NFIB: variants seen among roughly 807,000 people sequenced by gnomAD.
NFIB encodes nuclear factor I B, also known as nuclear factor 1 B-type.
In NFIB, 11 loss-of-function variants were observed where a neutral mutation model predicts 61.5. That is an observed-to-expected ratio of 0.18 (90% CI 0.11 to 0.30). NFIB has a LOEUF of 0.30. Among genes scored for constraint, NFIB ranks in the 10% least tolerant of loss-of-function variants. The pLI is 1.00. For missense variants in NFIB, 471 were observed against 608.9 expected (o/e 0.77, Z 2.38); for synonymous variants, 260 against 216.5 (o/e 1.20, Z -1.76).
chr9:14,466,133 G>C, the NFIB span, among the ~76,000 whole-genome samples: 4 of 152,154 alleles, frequency 2.6e-5, no homozygotes, highest in Non-Finnish European at 4.4e-5. Context: ...TGTTCGGAGA[G>C]AGCCCGCATC....
intron 2 of NFIB, among the ~76,000 whole-genome samples, chr9:14,236,448 C>A (rs531133982): frequency 2.6e-5 from 4 of 152,250 alleles, no homozygotes; most frequent in South Asian, 4.1e-4. Flanking sequence ...ACCACAAATG[C>A]CCTAGAGTCC....
intron 9 of NFIB, among the ~76,000 whole-genome samples, chr9:14,115,819 T>A (rs926998595): frequency 6.6e-6 from 1 of 152,250 alleles, no homozygotes; most frequent in African/African-American, 2.4e-5. Flanking sequence ...TCTATAGGAA[T>A]GCTCCAATAA....
chr9:14,184,422 C>A (rs1395694658), intron 2 of NFIB, among the ~76,000 whole-genome samples: 1 of 152,048 alleles, frequency 6.6e-6, no homozygotes, highest in Non-Finnish European at 1.5e-5. Context: ...TTTTCTATAT[C>A]TAAGTTGGAA....
intron 2 of NFIB, among the ~76,000 whole-genome samples, chr9:14,302,736 C>A (rs10810129): frequency 1.3e-5 from 2 of 151,730 alleles, no homozygotes; most frequent in South Asian, 4.2e-4. Context: ...ATCCCACTCC[C>A]GCCCCCCGAC....
At chr9:14,121,513 T>C (rs2038937727) in intron 7 of NFIB, among the ~76,000 whole-genome samples, 1 of 152,244 alleles carries the variant, frequency 6.6e-6, no homozygotes, top group African/African-American at 2.4e-5. Context: ...TCATGTCATT[T>C]ATAATTGTCT....
chr9:14,218,575 C>T (rs2051231160), intron 2 of NFIB, among the ~76,000 whole-genome samples: 1 of 152,114 alleles, frequency 6.6e-6, no homozygotes, highest in South Asian at 2.1e-4. Flanking sequence ...TAGATGTCAC[C>T]CAATCAATGA....
intron 1 of NFIB, among the ~76,000 whole-genome samples, chr9:14,368,232 G>C (rs1169406251): frequency 6.6e-6 from 1 of 151,910 alleles, no homozygotes; most frequent in Non-Finnish European, 1.5e-5. Context: ...GCTTGAACTA[G>C]GCCAATGTTG....
At chr9:14,149,486 C>T (rs2042628597) in intron 5 of NFIB, among the ~76,000 whole-genome samples, 1 of 151,900 alleles carries the variant, frequency 6.6e-6, no homozygotes, top group Non-Finnish European at 1.5e-5. Flanking sequence ...AATCTTTATT[C>T]ACCCTGACTG....
At chr9:14,415,680 A>G in the NFIB span, among the ~76,000 whole-genome samples, 1 of 152,250 alleles carries the variant, frequency 6.6e-6, no homozygotes, top group African/African-American at 2.4e-5. Context: ...AAGTAGAAAG[A>G]ACTGCATTTA....
At chr9:14,381,382 G>C (rs1320808228) in intron 1 of NFIB, among the ~76,000 whole-genome samples, 2 of 151,958 alleles carry the variant, frequency 1.3e-5, no homozygotes, top group African/African-American at 4.8e-5. Flanking sequence ...GTAGAGACGG[G>C]GTTTTACCAT....
intron 2 of NFIB, among the ~76,000 whole-genome samples, chr9:14,282,753 T>C (rs2058456482): frequency 1.3e-5 from 2 of 152,318 alleles, no homozygotes; most frequent in South Asian, 4.1e-4. Flanking sequence ...ACCAGACTAA[T>C]GAGTTTCTGA....
rs2032031361 is a variant in NFIB at position 14,082,102 on chromosome 9, A to G, written c.*6207T>C. On this transcript the variant is annotated 3_prime_UTR_variant, in exon 11 of 11. Coordinates refer to ENST00000380953, the MANE Select transcript of NFIB (RefSeq NM_001190737.2). ...AAAACCTTCACTAACATTCTGGCCC[A>G]GTCTGGGGTTGATCCCAGAGGCCTG... 4.7e-6 allele frequency: 1 copy of G among 211,140 alleles called. No individual in the cohort carries two copies. The highest frequency in any genetic ancestry group is 2.3e-5 in the African/African-American group (1 of 44,080). The allele number at this position is 211,140 out of a possible 1,614,324, so 13.1% of individuals were successfully genotyped here. A position where few individuals can be genotyped will look rare whatever the true frequency, so the allele number is the denominator to read the frequency against.
the NFIB span, among the ~76,000 whole-genome samples, chr9:14,520,634 C>T: frequency 4.3e-4 from 66 of 152,290 alleles, 1 homozygote; most frequent in East Asian, 0.011. Context: ...CACTTCTGTG[C>T]AGATATTAAA....
intron 4 of NFIB, among the ~76,000 whole-genome samples, chr9:14,154,305 C>CA (rs1207315646): frequency 6.6e-6 from 1 of 152,026 alleles, no homozygotes; most frequent in Non-Finnish European, 1.5e-5. Flanking sequence ...AACTTGAACT[C>CA]AGAGAAGTAC....
rs543278901 is a variant in NFIB, at chr9:14,233,786, G to T, written c.563-54006C>A. 3.3e-5 allele frequency among the ~76,000 whole-genome samples: 5 copies of T among 152,242 alleles called. No homozygotes were observed. In the East Asian group the frequency reaches 9.6e-4, roughly 29 times the overall value. ...GCAAACTACAAATATTGAAAGGTGA[G>T]CATATGTACAAAGACAAAATTAACT... On this transcript the variant is annotated intron_variant, in intron 2 of 10. Transcript: ENST00000380953.
chr9:14,401,597 T>C (rs899000395), upstream of NFIB, among the ~76,000 whole-genome samples: 3 of 152,222 alleles, frequency 2.0e-5, no homozygotes, highest in African/African-American at 4.8e-5. Context: ...TATTCCCTTA[T>C]GTTGCTTTTA....
chr9:14,462,652 A>G, the NFIB span, among the ~76,000 whole-genome samples: 1 of 152,104 alleles, frequency 6.6e-6, no homozygotes, highest in Admixed American at 6.5e-5. Flanking sequence ...GAAACACAGG[A>G]CTATCGAATT....
the NFIB span, among the ~76,000 whole-genome samples, chr9:14,414,411 C>A: frequency 7.0e-6 from 1 of 142,884 alleles, no homozygotes; most frequent in Non-Finnish European, 1.5e-5. Context: ...CTCCAGCCTG[C>A]GGACAGAGTG....
At chr9:14,184,990 C>G (rs2047186957) in intron 2 of NFIB, among the ~76,000 whole-genome samples, 1 of 152,020 alleles carries the variant, frequency 6.6e-6, no homozygotes, top group African/African-American at 2.4e-5. Context: ...CTCATGTATT[C>G]CAAACACCTG....
Sources: gnomAD v4.1 joint callset for allele counts (sites outside exome capture counted in the v4.1 genomes callset) on GRCh38, gnomAD v4.1.1 for gene constraint, MANE v1.5 for transcripts, NCBI Gene and HGNC (gene_info 2026-07-23, HGNC 2026-07-21) for gene names.